Variants in PDCD1LG2 observed in about 807,000 individuals in gnomAD.
PDCD1LG2 encodes the protein programmed cell death 1 ligand 2, also known as B7 dendritic cell molecule.
In PDCD1LG2, 32 loss-of-function variants were observed where a neutral mutation model predicts 28.2. That is an observed-to-expected ratio of 1.13 (90% CI 0.86 to 1.52). The LOEUF (loss-of-function observed/expected upper bound fraction) is 1.52. Among genes scored for constraint, PDCD1LG2 ranks in the 40% most tolerant of loss-of-function variants. The pLI is 0.00. For missense variants in PDCD1LG2, 385 were observed against 323.8 expected, an observed-to-expected ratio of 1.19 and a Z score of -1.45; for synonymous variants, 116 against 120.2, an observed-to-expected ratio of 0.97 and a Z score of 0.23.
chr9:5,530,713 G>A (rs1252322409), intron 2 of PDCD1LG2, among the ~76,000 whole-genome samples: 2 of 152,216 alleles, frequency 1.3e-5, no homozygotes, highest in Non-Finnish European at 2.9e-5. Context: ...GAGTTGCTGG[G>A]AGGATCAGAT....
In PDCD1LG2 at chr9:5,557,717, GA is replaced by G; in HGVS notation, c.735del (p.Lys245AsnfsTer25). On this transcript the variant is annotated frameshift_variant, in exon 5 of 7. Coordinates refer to ENST00000397747, the MANE Select transcript of PDCD1LG2 (RefSeq NM_025239.4). LOFTEE classifies it high-confidence loss of function. ...TTCATAGCCACAGTGATAGCCCTAA[GA>G]AAACAACTCTGTCAAAAGCTGTATT... Reference protein sequence around the residue: ...FIFIATVIALRKQLCQKLYSS... With the variant: ...FIFIATVIALXKQLCQKLYSS... The G allele has an allele frequency of 2.5e-6, 4 of 1,613,952 alleles. No homozygotes were observed. Among genetic ancestry groups the G allele is most frequent in the Non-Finnish European group, 3.4e-6 (4 of 1,179,866 alleles).
At chr9:5,524,028 G>A (rs1820325415) in intron 2 of PDCD1LG2, among the ~76,000 whole-genome samples, 2 of 152,162 alleles carry the variant, frequency 1.3e-5, no homozygotes, top group South Asian at 2.1e-4. Context: ...TCCCAGTTAG[G>A]TATACTAATG....
chr9:5,531,198 G>A (rs1204077372), intron 2 of PDCD1LG2, among the ~76,000 whole-genome samples: 1 of 152,224 alleles, frequency 6.6e-6, no homozygotes, highest in Non-Finnish European at 1.5e-5. Context: ...TCTGCTTAGT[G>A]AATCTAATTT....
intron 1 of PDCD1LG2, among the ~76,000 whole-genome samples, chr9:5,519,033 G>A (rs1326141397): frequency 3.3e-5 from 5 of 152,186 alleles, no homozygotes; most frequent in African/African-American, 1.2e-4. Flanking sequence ...GAGAAGGGGG[G>A]CACACCATGC....
rs998699434 is a variant in PDCD1LG2, at chr9:5,559,127, T to A, written c.766+1375T>A. Among the ~76,000 whole-genome samples, 8 of 152,040 alleles carry A rather than the reference T, an allele frequency of 5.3e-5. 1 individual carries two copies. The East Asian group carries it at 1.5e-3, about 29-fold the overall frequency. ...CTGTCTTTGGGAGAATGGAATGGAG[T>A]CACACTCAAAGATAGAGTGGAAATA... On this transcript the variant is annotated intron_variant, in intron 5 of 6. Transcript: ENST00000397747.
At chr9:5,524,299 C>T (rs1820330123) in intron 2 of PDCD1LG2, among the ~76,000 whole-genome samples, 1 of 152,182 alleles carries the variant, frequency 6.6e-6, no homozygotes, top group African/African-American at 2.4e-5. Context: ...GCAGACAACC[C>T]ATAAATCTTC....
rs776743239 is a variant in PDCD1LG2, at chr9:5,557,749, A to G, written c.763A>G (p.Lys255Glu). 1.1e-5 allele frequency: 17 copies of G among 1,613,822 alleles called. No homozygotes were observed. In the East Asian group the frequency reaches 3.6e-4, roughly 34 times the overall value. Residue 255 changes from lysine (K) to glutamate (E), a missense_variant, in exon 5 of 7, where the codon AAA becomes GAA. Coordinates refer to ENST00000397747, the MANE Select transcript of PDCD1LG2 (RefSeq NM_025239.4). ...KQLCQKLYSS[K>E]DTTKRPVTTT... ...ACTCTGTCAAAAGCTGTATTCTTCA[A>G]AAGGTAAGTGAGTTTTATTCATGGT...
At chr9:5,533,676 T>G (rs1820525109) in intron 2 of PDCD1LG2, among the ~76,000 whole-genome samples, 3 of 152,096 alleles carry the variant, frequency 2.0e-5, no homozygotes, top group African/African-American at 7.2e-5. Flanking sequence ...TCATCTAAAA[T>G]CATCTTACAT....
chr9:5,513,907 T>C (rs898610008), intron 1 of PDCD1LG2, among the ~76,000 whole-genome samples: 2 of 152,246 alleles, frequency 1.3e-5, no homozygotes, highest in African/African-American at 2.4e-5. Context: ...TGTTCAGACA[T>C]TGCTAATTAC....
chr9:5,522,439 T>C, intron 1 of PDCD1LG2, 94 bp from the exon 2 acceptor site: 1 of 927,378 alleles, frequency 1.1e-6, no homozygotes, highest in East Asian at 2.6e-5. Flanking sequence ...CTTCCCCAAA[T>C]GATTTGTTAT....
intron 3 of PDCD1LG2, among the ~76,000 whole-genome samples, chr9:5,540,167 T>G (rs10975173): frequency 0.19 from 28,332 of 152,066 alleles, 2,945 homozygotes; most frequent in Middle Eastern, 0.27. Context: ...AGATAGAAAT[T>G]TAAAAACTCT....
At chr9:5,542,463 C>G (rs552800419) in intron 3 of PDCD1LG2, among the ~76,000 whole-genome samples, 1 of 152,184 alleles carries the variant, frequency 6.6e-6, no homozygotes, top group African/African-American at 2.4e-5. Flanking sequence ...TATCCAGAAT[C>G]TACAAGGTAT....
chr9:5,570,908 T>C lies in PDCD1LG2; in HGVS notation c.*949T>C, dbSNP rs1563836973. On this transcript the variant is annotated 3_prime_UTR_variant, in exon 7 of 7. Transcript: ENST00000397747. The stretch of plus-strand genomic sequence containing the variant: ...AATGCTAAGTAGTCAAGGCCTTTGA[T>C]AATTGGCACTATGGAAATCCTGCAA... 1 of 232,812 alleles carries C rather than the reference T, an allele frequency of 4.3e-6. No homozygotes were observed. The allele number at this position is 232,812 out of a possible 1,614,324, so 14.4% of individuals were successfully genotyped here.
chr9:5,516,877 T>C (rs1820176111), intron 1 of PDCD1LG2, among the ~76,000 whole-genome samples: 1 of 152,174 alleles, frequency 6.6e-6, no homozygotes, highest in Admixed American at 6.5e-5. Flanking sequence ...AGCAGGGGAC[T>C]TCCTGGGCCC....
chr9:5,556,039 C>T (rs564626052), intron 4 of PDCD1LG2, among the ~76,000 whole-genome samples: 52 of 152,338 alleles, frequency 3.4e-4, no homozygotes, highest in African/African-American at 1.2e-3. Flanking sequence ...TTTCATGTAG[C>T]TGTTGCTTGG....
intron 5 of PDCD1LG2, among the ~76,000 whole-genome samples, chr9:5,558,802 G>T (rs964447135): frequency 6.6e-6 from 1 of 152,190 alleles, no homozygotes; most frequent in African/African-American, 2.4e-5. Flanking sequence ...ACAGAGGGAG[G>T]GAAGAAGATG....
intron 3 of PDCD1LG2, among the ~76,000 whole-genome samples, chr9:5,547,936 CAAAA>C (rs1165268333): frequency 3.7e-3 from 225 of 60,902 alleles, no homozygotes; most frequent in African/African-American, 9.6e-3. Flanking sequence ...AACTCTGTCT[CAAAA>C]AAAAAAAAAA....
chr9:5,512,146 T>C (rs936697937), intron 1 of PDCD1LG2, among the ~76,000 whole-genome samples: 4 of 152,224 alleles, frequency 2.6e-5, no homozygotes, highest in African/African-American at 9.6e-5. Flanking sequence ...TTGTTGTGTG[T>C]CATTTTAATT....
rs1816600709 is a variant in PDCD1LG2, at chr9:5,563,209, G to C, written c.814G>C (p.Ala272Pro). ...CACAACAAAGAGGGAAGTGAACAGT[G>C]CTGTGAGTAAGCATGATTTTTACTT... ...VTTTKREVNS[A>P]I The change falls in exon 6 of 7, where the codon GCT (alanine) becomes CCT (proline). Residue 272 changes from alanine (A) to proline (P), a missense_variant and splice_region_variant. Physicochemically the swap from Ala to Pro is conservative, Grantham distance 27. Transcript: ENST00000397747. 1.2e-6 allele frequency: 2 copies of C among 1,610,998 alleles called. No individual in the cohort carries two copies. Among genetic ancestry groups the C allele is most frequent in the Non-Finnish European group, 8.5e-7 (1 of 1,177,846 alleles).
Sources: gnomAD v4.1 joint callset for allele counts (sites outside exome capture counted in the v4.1 genomes callset) on GRCh38, gnomAD v4.1.1 for gene constraint, MANE v1.5 for transcripts, NCBI Gene and HGNC (gene_info 2026-07-23, HGNC 2026-07-21) for gene names.